GPR61: variants seen among roughly 807,000 people sequenced by gnomAD.
GPR61 encodes the protein G protein-coupled receptor 61, also known as G-protein coupled receptor 61.
A neutral mutation model predicts 29.2 loss-of-function variants in GPR61; 15 were observed. That is an observed-to-expected ratio of 0.51 (90% CI 0.34 to 0.79). The LOEUF is 0.79. Among genes scored for constraint, GPR61 ranks in the 30% least tolerant of loss-of-function variants. GPR61 has a pLI of 0.01. For synonymous variants in GPR61, 238 were observed against 242.3 expected (o/e 0.98, Z 0.17); for missense variants, 399 against 582.5 (o/e 0.69, Z 3.24).
chr1:109,544,463 T>A lies in GPR61; in HGVS notation c.*85T>A. The stretch of plus-strand genomic sequence containing the variant: ...CCTTGTGGGATCACCTTTTCCCAGC[T>A]GGCTAGGGCTGAGGCTGGGGTCTCT... On this transcript the variant is annotated 3_prime_UTR_variant, in exon 2 of 2. Coordinates refer to ENST00000527748, the MANE Select transcript of GPR61 (RefSeq NM_001393907.1). This position sits in a 1 kb window ranked among gnomAD's most constrained non-coding sequence, Gnocchi z 4.6. The A allele has an allele frequency of 9.7e-7, 1 of 1,025,682 alleles. No homozygotes were observed. 63.5% of individuals were successfully genotyped at this position (1,025,682 alleles called of 1,614,324 possible).
chr1:109,544,411 T>G lies in GPR61; in HGVS notation c.*33T>G, dbSNP rs1553221335. 2.0e-6 allele frequency: 3 copies of G among 1,521,710 alleles called. No homozygotes were observed. The highest frequency in any genetic ancestry group is 2.7e-6 in the Non-Finnish European group (3 of 1,107,064). The allele number at this position is 1,521,710 out of a possible 1,614,324, so 94.3% of individuals were successfully genotyped here. ...CTGGACACTCGGAGGGATATGGGGC[T>G]GGGGCCAGTTATGATTGCAAGGACC... On this transcript the variant is annotated 3_prime_UTR_variant, in exon 2 of 2. Coordinates refer to ENST00000527748, the MANE Select transcript of GPR61 (RefSeq NM_001393907.1). The surrounding 1 kb of genome is among the most constrained non-coding windows in gnomAD (Gnocchi z 4.6).
Position 109,543,584 on chromosome 1 carries a change from G to A in GPR61, c.562G>A (p.Ala188Thr), listed in dbSNP as rs747275647. The A allele has an allele frequency of 8.1e-6, 13 of 1,614,126 alleles. No homozygotes were observed. Among genetic ancestry groups the A allele is most frequent in the South Asian group, 1.1e-5 (1 of 91,080 alleles). ...VLGRVSWEEGAPSVPPGCSLQ... is the reference protein window; with the variant it reads ...VLGRVSWEEGTPSVPPGCSLQ... ...GGGAAGGGTCTCCTGGGAGGAAGGA[G>A]CTCCCAGTGTCCCCCCAGGCTGTTC... Residue 188 changes from alanine to threonine, a missense_variant, in exon 2 of 2, where the codon GCT (alanine) becomes ACT (threonine). Physicochemically the swap from Ala to Thr is moderately conservative, Grantham distance 58. Transcript: ENST00000527748. The surrounding 1 kb of genome is among the most constrained non-coding windows in gnomAD (Gnocchi z 6.8).
rs1416849950 is a variant in GPR61 at position 109,542,946 on chromosome 1, G to C, written c.-77G>C. On this transcript the variant is annotated 5_prime_UTR_variant, in exon 2 of 2. Coordinates refer to ENST00000527748, the MANE Select transcript of GPR61 (RefSeq NM_001393907.1). ...AACCAGGAAGCCTGGGCCTGGGCTC[G>C]CCATCCCAGGGTCGCTGGACTAGGA... is the stretch of plus-strand genomic sequence containing the variant. 6.5e-7 allele frequency: 1 copy of C among 1,544,404 alleles called. No individual in the cohort carries two copies. The highest frequency in any genetic ancestry group is 2.4e-5 in the East Asian group (1 of 41,484).
Sources: allele counts gnomAD v4.1 joint callset, GRCh38; gene constraint gnomAD v4.1.1; non-coding constraint Gnocchi (gnomAD v3.1); transcripts MANE v1.5; gene names NCBI Gene and HGNC (gene_info 2026-07-23, HGNC 2026-07-21).